The following SLC6A6 variants were observed in gnomAD, a reference collection of about 807,000 sequenced individuals.
SLC6A6 encodes the protein solute carrier family 6 member 6.
A neutral mutation model predicts 68.8 loss-of-function variants in SLC6A6; 16 were observed. That is an observed-to-expected ratio of 0.23 (90% CI 0.16 to 0.35). The LOEUF (loss-of-function observed/expected upper bound fraction) is 0.35, where lower values mean the gene tolerates loss of function less well. SLC6A6 is among the 10% of genes least tolerant of loss of function. The probability of loss-of-function intolerance (pLI) is 1.00; values close to 1 mark genes in which losing one functional copy is unlikely to be tolerated. For missense variants in SLC6A6, 474 were observed against 802.8 expected (o/e 0.59, Z 4.95); for synonymous variants, 312 against 315.4 (o/e 0.99, Z 0.12).
intron 2 of SLC6A6, among the ~76,000 whole-genome samples, chr3:14,436,970 G>A (rs1699870949): frequency 6.6e-6 from 1 of 152,136 alleles, no homozygotes; most frequent in Non-Finnish European, 1.5e-5. Context: ...CATTTCATTT[G>A]ATCCATAGCA....
chr3:14,405,966 A>T (rs1699098111), intron 1 of SLC6A6, among the ~76,000 whole-genome samples: 1 of 152,160 alleles, frequency 6.6e-6, no homozygotes, highest in Non-Finnish European at 1.5e-5. Flanking sequence ...GGTAGTGGGC[A>T]GGAGGCACTT....
chr3:14,451,092 C>T (rs565002713), intron 5 of SLC6A6, among the ~76,000 whole-genome samples: 13 of 152,348 alleles, frequency 8.5e-5, no homozygotes, highest in African/African-American at 2.9e-4. Context: ...TCTCTCCGTG[C>T]CTTATCCTTG....
In SLC6A6 at chr3:14,445,868, G is replaced by A. The variant is rs1340524490; in HGVS notation, c.364+17G>A. 1 of 1,613,632 alleles carries A rather than the reference G, an allele frequency of 6.2e-7. No homozygotes were observed. Among genetic ancestry groups the A allele is most frequent in the Non-Finnish European group, 8.5e-7 (1 of 1,179,650 alleles). ...TGTTCTCTGGTGAGTATGGGACGGAGGTCACTTGGGGCCTGGCACTCATCA... is the reference window on the plus strand; with the variant it reads ...TGTTCTCTGGTGAGTATGGGACGGAAGTCACTTGGGGCCTGGCACTCATCA... On this transcript the variant is annotated intron_variant, in intron 4 of 14. Coordinates refer to ENST00000622186, the MANE Select transcript of SLC6A6 (RefSeq NM_003043.6).
At chr3:14,458,741 T>TA (rs1310215986) in intron 6 of SLC6A6, among the ~76,000 whole-genome samples, 2 of 152,256 alleles carry the variant, frequency 1.3e-5, no homozygotes. Flanking sequence ...CCTCCAATGT[T>TA]AGTTGTTCAG....
chr3:14,454,665 T>C (rs967152179), intron 5 of SLC6A6, among the ~76,000 whole-genome samples: 1 of 152,226 alleles, frequency 6.6e-6, no homozygotes, highest in Non-Finnish European at 1.5e-5. Context: ...TGGCCCGTTA[T>C]AAAGCTTTTC....
chr3:14,443,503 C>G (rs1700038749), intron 2 of SLC6A6, 121 bp from the exon 3 acceptor site: 2 of 669,810 alleles, frequency 3.0e-6, no homozygotes, highest in Non-Finnish European at 5.3e-6. Flanking sequence ...GGATGCCAGG[C>G]CCCTTGCCAC....
intron 2 of SLC6A6, among the ~76,000 whole-genome samples, chr3:14,440,300 G>T (rs1378607929): frequency 6.6e-6 from 1 of 152,132 alleles, no homozygotes; most frequent in Non-Finnish European, 1.5e-5. Flanking sequence ...CCCTGTAGGG[G>T]CCAGGGTGCC....
chr3:14,416,830 C>T (rs1026816630), intron 2 of SLC6A6, among the ~76,000 whole-genome samples: 1 of 152,234 alleles, frequency 6.6e-6, no homozygotes, highest in African/African-American at 2.4e-5. Context: ...CTGAGCTTGG[C>T]TCTGTCTCTG....
At position 14,485,793 on chromosome 3, in the gene SLC6A6, G is replaced by A. The variant is rs1408285518; in HGVS notation, c.*786G>A. ...TTTTGAGATGGTGAGTGGATAGTCA[G>A]TAGACCGTCAGAACCACTGGCCAGA... On this transcript the variant is annotated 3_prime_UTR_variant, in exon 15 of 15. Coordinates refer to ENST00000622186, the MANE Select transcript of SLC6A6 (RefSeq NM_003043.6). 6.6e-6 allele frequency: 1 copy of A among 152,424 alleles called. No individual in the cohort carries two copies. The highest frequency in any genetic ancestry group is 1.5e-5 in the Non-Finnish European group (1 of 68,060). The allele number at this position is 152,424 out of a possible 1,614,324, so 9.4% of individuals were successfully genotyped here. A position where few individuals can be genotyped will look rare whatever the true frequency, so the allele number is the denominator to read the frequency against.
At chr3:14,410,703 C>T (rs565293336) in intron 1 of SLC6A6, among the ~76,000 whole-genome samples, 12 of 152,354 alleles carry the variant, frequency 7.9e-5, no homozygotes, top group Non-Finnish European at 1.5e-4. Flanking sequence ...CACTTCTCTG[C>T]GTGGTCCCTC....
At chr3:14,466,786 C>T in intron 7 of SLC6A6, 136 bp downstream of exon 7, 3 of 747,000 alleles carry the variant, frequency 4.0e-6, no homozygotes, top group Non-Finnish European at 6.0e-6. Flanking sequence ...GGCCACCGCC[C>T]CCTGGTACTT....
intron 2 of SLC6A6, among the ~76,000 whole-genome samples, chr3:14,421,328 C>A (rs920043551): frequency 2.0e-5 from 3 of 152,164 alleles, no homozygotes; most frequent in African/African-American, 7.2e-5. Flanking sequence ...AGGACCTGAG[C>A]TCAGGGGTCC....
intron 6 of SLC6A6, 88 bp downstream of exon 6, chr3:14,458,170 G>C: frequency 4.1e-6 from 5 of 1,223,068 alleles, no homozygotes; most frequent in South Asian, 1.2e-5. Flanking sequence ...AATTAGCCAC[G>C]CCCCAAGAGG....
chr3:14,438,177 A>C (rs1215523558), intron 2 of SLC6A6, among the ~76,000 whole-genome samples: 2 of 151,770 alleles, frequency 1.3e-5, no homozygotes, highest in Admixed American at 1.3e-4. Context: ...AACACAGGGT[A>C]GAATGGTTGC....
chr3:14,419,941 G>A (rs1339690217), intron 2 of SLC6A6, among the ~76,000 whole-genome samples: 1 of 152,028 alleles, frequency 6.6e-6, no homozygotes, highest in Non-Finnish European at 1.5e-5. Context: ...TCTCCCACGG[G>A]GTGTCTGCCC....
chr3:14,422,531 C>T (rs988614323), intron 2 of SLC6A6, among the ~76,000 whole-genome samples: 9 of 152,160 alleles, frequency 5.9e-5, no homozygotes, highest in Admixed American at 2.0e-4. Context: ...GCACAGAGCA[C>T]GTGCAGCATA....
rs1424940714 is a variant in SLC6A6 at position 14,466,667 on chromosome 3, A to C, written c.867+17A>C. On this transcript the variant is annotated intron_variant, in intron 7 of 14. Coordinates refer to ENST00000622186, the MANE Select transcript of SLC6A6 (RefSeq NM_003043.6). ...GACCCACAGGTACTGTGGGGCTGGG[A>C]CACACCATCCTCCCTCCCATCCAGG... 1 of 1,595,580 alleles carries C rather than the reference A, an allele frequency of 6.3e-7. No individual in the cohort carries two copies. The highest frequency in any genetic ancestry group is 8.6e-7 in the Non-Finnish European group (1 of 1,167,682).
intron 6 of SLC6A6, among the ~76,000 whole-genome samples, chr3:14,462,895 C>G (rs1309601952): frequency 1.3e-5 from 2 of 148,946 alleles, no homozygotes; most frequent in East Asian, 3.9e-4. Flanking sequence ...TTTCTTGTCT[C>G]TTTGTCCGGC....
At chr3:14,455,853 C>T (rs1250866780) in intron 5 of SLC6A6, among the ~76,000 whole-genome samples, 1 of 152,260 alleles carries the variant, frequency 6.6e-6, no homozygotes. Flanking sequence ...GCCAGCCTGC[C>T]CTATAGGGAT....
Sources: gnomAD v4.1 joint callset for allele counts (sites outside exome capture counted in the v4.1 genomes callset) on GRCh38, gnomAD v4.1.1 for gene constraint, MANE v1.5 for transcripts, NCBI Gene and HGNC (gene_info 2026-07-23, HGNC 2026-07-21) for gene names.